WWOX: variants seen among roughly 807,000 people sequenced by gnomAD.
The protein encoded by WWOX is WW domain-containing oxidoreductase.
WWOX carries 69 observed loss-of-function variants against 46.2 expected under a neutral mutation model. The observed-to-expected ratio is 1.49, with a 90% CI of 1.23 to 1.82. WWOX has a LOEUF of 1.82. WWOX is among the 40% of genes most tolerant of loss of function. The pLI, the probability that WWOX is intolerant of heterozygous loss-of-function variation, is 0.00. For synonymous variants in WWOX, 359 were observed against 202.6 expected (o/e 1.77, Z -6.56); for missense variants, 919 against 542.6 (o/e 1.69, Z -6.89).
At chr16:78,420,549 A>T (rs550119147) in intron 6 of WWOX, among the ~76,000 whole-genome samples, 5 of 152,146 alleles carry the variant, frequency 3.3e-5, no homozygotes, top group African/African-American at 1.2e-4. Context: ...TCCATTTAGT[A>T]TATAAAATGT....
At chr16:78,122,381 TGA>T (rs1353737661) in intron 4 of WWOX, among the ~76,000 whole-genome samples, 1 of 152,150 alleles carries the variant, frequency 6.6e-6, no homozygotes, top group African/African-American at 2.4e-5. Flanking sequence ...GCATAACAAA[TGA>T]GAGTCATACA....
rs894330061 is a variant in WWOX, at chr16:78,345,087, C to T, written c.517-41773C>T. ...GTACCTAGGAGATTGTCCTGGATGTCGTTTTCTCATAAAGTTGACTATGGC... is the reference window on the plus strand; with the variant it reads ...GTACCTAGGAGATTGTCCTGGATGTTGTTTTCTCATAAAGTTGACTATGGC... On this transcript the variant is annotated intron_variant, in intron 5 of 8. Transcript: ENST00000566780. 1.8e-4 allele frequency among the ~76,000 whole-genome samples: 21 copies of T among 118,418 alleles called. 5 individuals carry two copies. The highest frequency in any genetic ancestry group is 5.7e-4 in the African/African-American group (20 of 34,864). 77.7% of individuals were successfully genotyped at this position (118,418 alleles called of 152,430 possible).
chr16:78,102,225 G>T (rs193219373), intron 1 of WWOX, among the ~76,000 whole-genome samples: 1 of 152,274 alleles, frequency 6.6e-6, no homozygotes. Context: ...GCGGTGTTTT[G>T]AGCTCAAGTA....
At chr16:79,179,102 C>T (rs1324920279) in intron 8 of WWOX, among the ~76,000 whole-genome samples, 1 of 152,136 alleles carries the variant, frequency 6.6e-6, no homozygotes, top group East Asian at 1.9e-4. Flanking sequence ...GCTAAGGACA[C>T]ATGGGGGAAC....
intron 8 of WWOX, among the ~76,000 whole-genome samples, chr16:78,779,573 C>T (rs1022534548): frequency 6.6e-6 from 1 of 152,140 alleles, no homozygotes; most frequent in Non-Finnish European, 1.5e-5. Context: ...TTGTTTAACC[C>T]TCACAAGTCT....
rs577238731 is a variant in WWOX at position 78,937,084 on chromosome 16, A to C, written c.1057-274524A>C. Among the ~76,000 whole-genome samples the C allele has an allele frequency of 2.6e-4, 40 of 152,334 alleles. 1 individual carries two copies. Among genetic ancestry groups the C allele is most frequent in the African/African-American group, 9.4e-4 (39 of 41,570 alleles). Reference sequence around the variant, plus strand: ...TAGGTTTAAACTACTGGAACTTCAAAATAGCTTCTCAGTAATTCCTTCTCA... The same window carrying C: ...TAGGTTTAAACTACTGGAACTTCAACATAGCTTCTCAGTAATTCCTTCTCA... On this transcript the variant is annotated intron_variant, in intron 8 of 8. Coordinates refer to ENST00000566780, the MANE Select transcript of WWOX (RefSeq NM_016373.4).
intron 8 of WWOX, among the ~76,000 whole-genome samples, chr16:78,832,531 C>T (rs2051859755): frequency 6.6e-6 from 1 of 152,180 alleles, no homozygotes; most frequent in African/African-American, 2.4e-5. Context: ...CCACACTCTG[C>T]CACTCCACAC....
At chr16:78,667,322 G>A (rs1217923681) in intron 8 of WWOX, among the ~76,000 whole-genome samples, 2 of 152,190 alleles carry the variant, frequency 1.3e-5, no homozygotes, top group East Asian at 3.9e-4. Context: ...CATTTTTATT[G>A]AATGGGTTAT....
intron 8 of WWOX, chr16:78,825,310 G>C: frequency 3.3e-6 from 1 of 303,820 alleles, no homozygotes; most frequent in South Asian, 3.9e-5. Flanking sequence ...AGAAGAGGAT[G>C]TTGGTCGCTG....
chr16:78,489,127 A>T (rs1211100331), intron 8 of WWOX, among the ~76,000 whole-genome samples: 1 of 152,210 alleles, frequency 6.6e-6, no homozygotes, highest in African/African-American at 2.4e-5. Context: ...CAATAGTGAA[A>T]GCAGGTTCTG....
At position 78,266,788 on chromosome 16, in the gene WWOX, T is replaced by TTCTCTCTCTCTCTCTCTCTCTCTCTCTC. The variant is rs60393431; in HGVS notation, c.516+102509_516+102536dup. ...GATAAATGCAAGTTCTATTCTTCTA[T>TTCTCTCTCTCTCTCTCTCTCTCTCTCTC]TCTCTCTCTCTCTCTCTCTCTCTCT... On this transcript the variant is annotated intron_variant, in intron 5 of 8. Transcript: ENST00000566780. 1.7e-3 allele frequency among the ~76,000 whole-genome samples: 201 copies of TTCTCTCTCTCTCTCTCTCTCTCTCTCTC among 115,614 alleles called. 9 individuals are homozygous for TTCTCTCTCTCTCTCTCTCTCTCTCTCTC. Among genetic ancestry groups the TTCTCTCTCTCTCTCTCTCTCTCTCTCTC allele is most frequent in the Non-Finnish European group, 2.2e-3 (127 of 56,636 alleles). The allele number at this position is 115,614 out of a possible 152,430, so 75.8% of individuals were successfully genotyped here.
intron 8 of WWOX, among the ~76,000 whole-genome samples, chr16:78,950,818 G>A (rs1343441649): frequency 6.6e-6 from 1 of 152,096 alleles, no homozygotes; most frequent in African/African-American, 2.4e-5. Flanking sequence ...GGCACCTTTG[G>A]GGAAAACCAG....
At chr16:78,184,303 G>A (rs1432296940) in intron 5 of WWOX, among the ~76,000 whole-genome samples, 2 of 151,964 alleles carry the variant, frequency 1.3e-5, no homozygotes, top group East Asian at 3.9e-4. Flanking sequence ...GATGGGGTGG[G>A]CTGGGGTAGG....
In WWOX at chr16:78,246,731, G is replaced by A. The variant is rs79990426; in HGVS notation, c.516+82442G>A. Among the ~76,000 whole-genome samples, 631 of 152,242 alleles carry A rather than the reference G, an allele frequency of 4.1e-3. 1 individual carries two copies. The highest frequency in any genetic ancestry group is 6.2e-3 in the Non-Finnish European group (424 of 68,010). On this transcript the variant is annotated intron_variant, in intron 5 of 8. Coordinates refer to ENST00000566780, the MANE Select transcript of WWOX (RefSeq NM_016373.4). The stretch of plus-strand genomic sequence containing the variant: ...TCCTCTTCTGAAGCCAGTTCCCCCC[G>A]ACCATCAGTCATGAGTCCGTTCTTT...
chr16:78,552,288 C>T (rs930931604), intron 8 of WWOX: 1 of 152,192 alleles, frequency 6.6e-6, no homozygotes, highest in African/African-American at 2.4e-5. Flanking sequence ...ACAAAGCCAT[C>T]TGCTTCCATA....
chr16:78,687,697 A>T (rs111684075), intron 8 of WWOX, among the ~76,000 whole-genome samples: 1 of 152,228 alleles, frequency 6.6e-6, no homozygotes, highest in Non-Finnish European at 1.5e-5. Flanking sequence ...TCATAGCTCA[A>T]TTAGATCTAA....
chr16:78,561,506 A>T (rs1597269453), intron 8 of WWOX, among the ~76,000 whole-genome samples: 1 of 152,144 alleles, frequency 6.6e-6, no homozygotes, highest in Non-Finnish European at 1.5e-5. Flanking sequence ...TTGACTCAGT[A>T]ACTGGAAGAA....
intron 8 of WWOX, among the ~76,000 whole-genome samples, chr16:78,751,724 ATGT>A (rs1489497277): frequency 4.0e-5 from 6 of 150,360 alleles, no homozygotes; most frequent in South Asian, 4.4e-4. Context: ...ACACGTAGAC[ATGT>A]TGTGATGAAA....
intron 8 of WWOX, among the ~76,000 whole-genome samples, chr16:78,664,507 C>G (rs955726055): frequency 2.0e-5 from 3 of 152,168 alleles, no homozygotes; most frequent in Non-Finnish European, 4.4e-5. Context: ...TAGTCCTGTC[C>G]CCTCTCACTA....
Sources: gnomAD v4.1 joint callset for allele counts (sites outside exome capture counted in the v4.1 genomes callset) on GRCh38, gnomAD v4.1.1 for gene constraint, MANE v1.5 for transcripts, NCBI Gene and HGNC (gene_info 2026-07-23, HGNC 2026-07-21) for gene names.